Variants in ATM observed in about 807,000 individuals in gnomAD.
ATM encodes the protein ATM serine/threonine kinase, also known as serine-protein kinase ATM.
ATM carries 308 observed loss-of-function variants against 387.0 expected under a neutral mutation model. The ratio of observed to expected loss-of-function variants is 0.80; its 90% CI spans 0.73 to 0.87. The LOEUF (loss-of-function observed/expected upper bound fraction) is 0.87. Ranked by LOEUF, ATM falls within the 40% of genes least tolerant of loss-of-function variation. The probability of loss-of-function intolerance (pLI) is 0.00; values close to 1 mark genes in which losing one functional copy is unlikely to be tolerated. For missense variants in ATM, 3,312 were observed against 3,560.9 expected (o/e 0.93, Z 1.78); for synonymous variants, 1,156 against 1,187.3 (o/e 0.97, Z 0.54).
intron 36 of ATM, among the ~76,000 whole-genome samples, chr11:108,304,471 A>G (rs184661188): frequency 4.3e-4 from 66 of 152,350 alleles, no homozygotes; most frequent in Middle Eastern, 3.4e-3. Context: ...TGATATTGAT[A>G]TACTAGCCTA....
At chr11:108,327,120 G>A (rs1250116137) in intron 47 of ATM, among the ~76,000 whole-genome samples, 1 of 152,122 alleles carries the variant, frequency 6.6e-6, no homozygotes, top group Admixed American at 6.5e-5. Flanking sequence ...GAGCCACCAC[G>A]CCCGGCCTTT....
At position 108,271,272 on chromosome 11, in the gene ATM, T is replaced by C. The variant is rs2135551811; in HGVS notation, c.2943T>C (p.Arg981=). 1 of 1,613,918 alleles carries C rather than the reference T, an allele frequency of 6.2e-7. No individual in the cohort carries two copies. The highest frequency in any genetic ancestry group is 1.1e-5 in the South Asian group (1 of 91,076). The change falls in exon 20 of 63, where the codon CGT becomes CGC. Residue 981 remains arginine (R), a synonymous_variant. Coordinates refer to ENST00000675843, the MANE Select transcript of ATM (RefSeq NM_000051.4). ...KPLSNVCSLY[R]RDQDVCKTIL... ...ACAGCAATGTGTGTTCTTTGTATCG[T>C]CGTGACCAAGATGTTTGTAAAACTA...
chr11:108,338,786 G>A (rs2087140163), intron 56 of ATM, among the ~76,000 whole-genome samples: 2 of 152,096 alleles, frequency 1.3e-5, no homozygotes, highest in African/African-American at 4.8e-5. Flanking sequence ...ACGACAATAA[G>A]CCAGTAATGT....
At chr11:108,359,546 G>T (rs1473454581) in intron 61 of ATM, among the ~76,000 whole-genome samples, 3 of 152,030 alleles carry the variant, frequency 2.0e-5, no homozygotes, top group Non-Finnish European at 4.4e-5. Context: ...ATAGTTGGAA[G>T]TAAAGCTCTC....
At chr11:108,232,738 G>C (rs1050074412) in intron 4 of ATM, among the ~76,000 whole-genome samples, 13 of 151,684 alleles carry the variant, frequency 8.6e-5, no homozygotes, top group Admixed American at 7.2e-4. Flanking sequence ...CGAGGGTTTT[G>C]CCATGTTGGC....
intron 30 of ATM, among the ~76,000 whole-genome samples, 197 bp downstream of exon 30, chr11:108,292,990 T>C (rs1170461570): frequency 1.3e-5 from 2 of 152,214 alleles, no homozygotes; most frequent in African/African-American, 4.8e-5. Context: ...GATAGTTTTA[T>C]CTACTGTGCT....
chr11:108,335,560 A>G (rs2086748023), intron 55 of ATM, among the ~76,000 whole-genome samples: 2 of 152,186 alleles, frequency 1.3e-5, no homozygotes, highest in South Asian at 4.1e-4. Context: ...AGTGGTGGAA[A>G]GACACAGTGC....
rs762838462 is a variant in ATM at position 108,293,478 on chromosome 11, GTAATAAAAATTT to G, written c.4776+2_4776+13del. ...TAGAGGACCCTTTTCACTCTTGGAGGTAATAAAAATTTCATCATCTACTATTTTTTATTAGAG... is the reference window on the plus strand; with the variant it reads ...TAGAGGACCCTTTTCACTCTTGGAGGCATCATCTACTATTTTTTATTAGAG... On this transcript the variant is annotated splice_donor_variant and splice_donor_5th_base_variant and intron_variant, in intron 31 of 62. Coordinates refer to ENST00000675843, the MANE Select transcript of ATM (RefSeq NM_000051.4). LOFTEE classifies it high-confidence loss of function. 1 of 1,608,094 alleles carries G rather than the reference GTAATAAAAATTT, an allele frequency of 6.2e-7. No homozygotes were observed. Among genetic ancestry groups the G allele is most frequent in the Non-Finnish European group, 8.5e-7 (1 of 1,175,650 alleles).
Position 108,267,351 on chromosome 11 carries a change from A to C in ATM, c.2638+9A>C, listed in dbSNP as rs761592414. On this transcript the variant is annotated intron_variant, in intron 17 of 62. Coordinates refer to ENST00000675843, the MANE Select transcript of ATM (RefSeq NM_000051.4). The stretch of plus-strand genomic sequence containing the variant: ...GAGCCAAAGTACCATAGGTAAATAC[A>C]TATTTACTACTTGGGATTTCTTTTA... 6.2e-7 allele frequency: 1 copy of C among 1,612,678 alleles called. No individual in the cohort carries two copies. The highest frequency in any genetic ancestry group is 8.5e-7 in the Non-Finnish European group (1 of 1,178,748).
intron 40 of ATM, among the ~76,000 whole-genome samples, chr11:108,312,803 GT>G (rs2084292070): frequency 2.0e-5 from 3 of 152,220 alleles, no homozygotes; most frequent in Middle Eastern, 6.8e-3. Flanking sequence ...AGCACTTAGG[GT>G]TTATAATTAT....
chr11:108,273,968 C>A (rs1446283392), intron 22 of ATM, among the ~76,000 whole-genome samples: 1 of 152,064 alleles, frequency 6.6e-6, no homozygotes, highest in Non-Finnish European at 1.5e-5. Context: ...TCTTTGTACC[C>A]CTGGTAGAAT....
rs747032236 is a variant in ATM at position 108,295,078 on chromosome 11, A to G, written c.4909+19A>G. Reference sequence around the variant, plus strand: ...TCTCAGGGTGCTAATTTTAAATGACATGGGCTATTTCTACCTGTTTCTTTT... The same window carrying G: ...TCTCAGGGTGCTAATTTTAAATGACGTGGGCTATTTCTACCTGTTTCTTTT... On this transcript the variant is annotated intron_variant, in intron 32 of 62. Transcript: ENST00000675843. 6 of 1,613,396 alleles carry G rather than the reference A, an allele frequency of 3.7e-6. No individual in the cohort carries two copies. The highest frequency in any genetic ancestry group is 1.7e-5 in the Admixed American group (1 of 60,010).
At chr11:108,308,056 A>T (rs1312293157) in intron 38 of ATM, 72 bp downstream of exon 38, 7 of 1,397,038 alleles carry the variant, frequency 5.0e-6, no homozygotes, top group African/African-American at 4.3e-5. Context: ...CTGAATTTTA[A>T]CATGATTATT....
chr11:108,357,069 CGCAGGTCAGTGGGT>C (rs1565587887), intron 61 of ATM, among the ~76,000 whole-genome samples: 1 of 152,194 alleles, frequency 6.6e-6, no homozygotes, highest in African/African-American at 2.4e-5. Context: ...AGACAGTGGG[CGCAGGTCAGTGGGT>C]GCACGCACTG....
rs755973863 is a variant in ATM at position 108,317,400 on chromosome 11, A to G, written c.6226A>G (p.Ile2076Val). 5.0e-6 allele frequency: 8 copies of G among 1,612,334 alleles called. No homozygotes were observed. Among genetic ancestry groups the G allele is most frequent in the Non-Finnish European group, 6.8e-6 (8 of 1,179,094 alleles). Reference sequence around the variant, plus strand: ...CTTGCAGAATTTGGGACTCTGCCATATTCTTTCCGTCTATTTAAAAGGATT... The same window carrying G: ...CTTGCAGAATTTGGGACTCTGCCATGTTCTTTCCGTCTATTTAAAAGGATT... Reference protein sequence around the residue: ...QALQNLGLCHILSVYLKGLDY... With the variant: ...QALQNLGLCHVLSVYLKGLDY... The change falls in exon 43 of 63, where the codon ATT (isoleucine) becomes GTT (valine). Residue 2076 changes from isoleucine (I) to valine (V), a missense_variant. Physicochemically the swap from Ile to Val is conservative, Grantham distance 29 (BLOSUM62 3). Around this residue, in one of 4 missense-constraint regions of ATM, gnomAD observed 1,405 missense variants for 1,604.4 expected, o/e 0.88. Coordinates refer to ENST00000675843, the MANE Select transcript of ATM (RefSeq NM_000051.4).
At position 108,271,388 on chromosome 11, in the gene ATM, C is replaced by A. The variant is rs186626274; in HGVS notation, c.3059C>A (p.Thr1020Lys). ...NTRDAQGQFLTVIGAFWHLTK... is the reference protein window; with the variant it reads ...NTRDAQGQFLKVIGAFWHLTK... Reference sequence around the variant, plus strand: ...AGGGATGCTCAAGGACAGTTTCTTACAGTAATTGGAGCATTTTGGTAGGTA... The same window carrying A: ...AGGGATGCTCAAGGACAGTTTCTTAAAGTAATTGGAGCATTTTGGTAGGTA... The change falls in exon 20 of 63, where the codon ACA becomes AAA. Residue 1020 changes from threonine (T) to lysine (K), a missense_variant. Physicochemically the swap from Thr to Lys is moderately conservative, Grantham distance 78. Coordinates refer to ENST00000675843, the MANE Select transcript of ATM (RefSeq NM_000051.4). 1.2e-6 allele frequency: 2 copies of A among 1,614,070 alleles called. No individual in the cohort carries two copies. The highest frequency in any genetic ancestry group is 2.2e-5 in the East Asian group (1 of 44,848).
At chr11:108,298,205 G>C (rs938852288) in intron 33 of ATM, among the ~76,000 whole-genome samples, 1 of 152,176 alleles carries the variant, frequency 6.6e-6, no homozygotes. Context: ...GTTAAAGTCA[G>C]CTTGAAGCTC....
chr11:108,303,057 T>C (rs747886287), intron 36 of ATM, 28 bp downstream of exon 36: 22 of 1,585,934 alleles, frequency 1.4e-5, no homozygotes, highest in Admixed American at 6.7e-5. Context: ...TCTGATATAA[T>C]TCCTTGTTTA....
At chr11:108,316,163 G>A in intron 42 of ATM, 50 bp downstream of exon 42, 1 of 1,487,136 alleles carries the variant, frequency 6.7e-7, no homozygotes, top group Non-Finnish European at 9.4e-7. Flanking sequence ...TAGTGCTGAG[G>A]TTATTTCAGT....
Sources: allele counts gnomAD v4.1 joint callset (sites outside exome capture counted in the v4.1 genomes callset), GRCh38; gene constraint gnomAD v4.1.1; regional missense constraint gnomAD v4.1.1; transcripts MANE v1.5; gene names NCBI Gene and HGNC (gene_info 2026-07-23, HGNC 2026-07-21).